CTNNA3: variants seen among roughly 807,000 people sequenced by gnomAD.
CTNNA3 encodes the protein catenin alpha-3.
Under a neutral mutation model 95.7 loss-of-function variants are expected in CTNNA3, and 76 were observed. The ratio of observed to expected loss-of-function variants is 0.79; its 90% CI spans 0.66 to 0.96. CTNNA3 has a LOEUF of 0.96. CTNNA3 is among the 40% of genes least tolerant of loss of function. The pLI is 0.00. For synonymous variants in CTNNA3, 431 were observed against 374.4 expected (o/e 1.15, Z -1.74); for missense variants, 1,191 against 1,089.8 (o/e 1.09, Z -1.31).
In CTNNA3 at chr10:65,955,700, G is replaced by T. The variant is rs565853925; in HGVS notation, c.2400+10912C>A. ...TGTGATGGATTACGTTTATTGATTT[G>T]CATATGTTGAACCAGCGTTTCATCC... is the stretch of plus-strand genomic sequence containing the variant. On this transcript the variant is annotated intron_variant, in intron 17 of 17. Transcript: ENST00000433211. Among the ~76,000 whole-genome samples the T allele has an allele frequency of 3.9e-5, 6 of 152,222 alleles. No homozygotes were observed. In the East Asian group the frequency reaches 9.7e-4, roughly 25 times the overall value.
chr10:66,632,727 A>G (rs575722774), intron 9 of CTNNA3, among the ~76,000 whole-genome samples: 59 of 152,154 alleles, frequency 3.9e-4, no homozygotes, highest in African/African-American at 1.3e-3. Context: ...AGAATATATT[A>G]CTACATAAAA....
intron 2 of CTNNA3, among the ~76,000 whole-genome samples, chr10:67,624,369 G>T (rs985887241): frequency 1.3e-5 from 2 of 152,066 alleles, no homozygotes; most frequent in African/African-American, 4.8e-5. Flanking sequence ...TTTGTCCCAG[G>T]CCACTGTATG....
chr10:66,664,696 C>A (rs962218024), intron 9 of CTNNA3, among the ~76,000 whole-genome samples: 6 of 138,678 alleles, frequency 4.3e-5, no homozygotes, highest in African/African-American at 1.7e-4. Context: ...GCATTCAGCC[C>A]AGAAGCTGAT....
At chr10:66,909,249 T>C (rs1041618374) in intron 7 of CTNNA3, among the ~76,000 whole-genome samples, 1 of 152,086 alleles carries the variant, frequency 6.6e-6, no homozygotes, top group African/African-American at 2.4e-5. Flanking sequence ...GCGCGGTGGC[T>C]CATTCCTGTA....
At chr10:67,316,026 T>C (rs1841036549) in intron 5 of CTNNA3, among the ~76,000 whole-genome samples, 1 of 152,202 alleles carries the variant, frequency 6.6e-6, no homozygotes, top group Admixed American at 6.5e-5. Flanking sequence ...ACTGAGTTTA[T>C]TCTTTTTGAA....
chr10:67,302,729 G>A (rs543719881), intron 5 of CTNNA3, among the ~76,000 whole-genome samples: 67 of 152,062 alleles, frequency 4.4e-4, no homozygotes, highest in Middle Eastern at 3.4e-3. Context: ...ATTTTCTTCC[G>A]CTGTACACTT....
At position 67,537,549 on chromosome 10, in the gene CTNNA3, C is replaced by A. The variant is rs550904560; in HGVS notation, c.459+1954G>T. ...GGTATGATGTATGTGAATTACCTAC[C>A]TCTGTGCCTAACTCCTAGTGGACAC... On this transcript the variant is annotated intron_variant, in intron 4 of 17. Transcript: ENST00000433211. Among the ~76,000 whole-genome samples the A allele has an allele frequency of 4.3e-4, 66 of 152,234 alleles. 1 individual carries two copies. In the South Asian group the frequency reaches 0.014, roughly 32 times the overall value.
chr10:67,301,621 A>G (rs1053294989), intron 5 of CTNNA3, among the ~76,000 whole-genome samples: 9 of 143,258 alleles, frequency 6.3e-5, no homozygotes, highest in Non-Finnish European at 1.2e-4. Context: ...CAACAGATAA[A>G]TGAAGAAAAA....
chr10:66,203,908 C>T (rs2087594340), intron 13 of CTNNA3, among the ~76,000 whole-genome samples: 1 of 151,984 alleles, frequency 6.6e-6, no homozygotes, highest in Non-Finnish European at 1.5e-5. Flanking sequence ...TACACACCCC[C>T]ATGAAGAATA....
chr10:67,233,100 A>C (rs1438821386), intron 5 of CTNNA3, among the ~76,000 whole-genome samples: 3 of 152,228 alleles, frequency 2.0e-5, no homozygotes, highest in Non-Finnish European at 4.4e-5. Flanking sequence ...TAGACAGATC[A>C]ATGAGACAGA....
At chr10:67,249,890 A>G (rs888292535) in intron 5 of CTNNA3, among the ~76,000 whole-genome samples, 1 of 152,154 alleles carries the variant, frequency 6.6e-6, no homozygotes, top group African/African-American at 2.4e-5. Context: ...GACCCAGAAA[A>G]AACCCACACA....
At chr10:65,954,070 T>A (rs533427737) in intron 17 of CTNNA3, among the ~76,000 whole-genome samples, 6 of 152,230 alleles carry the variant, frequency 3.9e-5, no homozygotes, top group Non-Finnish European at 8.8e-5. Flanking sequence ...TTTTTAATGA[T>A]CGCCATTCTA....
At chr10:66,956,684 G>A (rs1197281938) in intron 7 of CTNNA3, among the ~76,000 whole-genome samples, 1 of 152,168 alleles carries the variant, frequency 6.6e-6, no homozygotes, top group East Asian at 1.9e-4. Flanking sequence ...TTTTCCTGCA[G>A]AGTAAATCTC....
At chr10:66,840,101 C>G (rs1028325723) in intron 7 of CTNNA3, among the ~76,000 whole-genome samples, 3 of 152,100 alleles carry the variant, frequency 2.0e-5, no homozygotes, top group African/African-American at 7.2e-5. Context: ...AGGAGAATTA[C>G]TTAAAACACA....
intron 12 of CTNNA3, among the ~76,000 whole-genome samples, chr10:66,321,984 A>G (rs1478708446): frequency 1.3e-5 from 2 of 152,106 alleles, no homozygotes; most frequent in Admixed American, 1.3e-4. Flanking sequence ...TGTGCATGGC[A>G]CCCTGGAACA....
intron 2 of CTNNA3, among the ~76,000 whole-genome samples, chr10:67,625,088 G>C (rs1843988359): frequency 6.6e-6 from 1 of 152,150 alleles, no homozygotes. Flanking sequence ...GCCACGTCTG[G>C]TGGCCAGCCT....
At chr10:67,326,324 T>C (rs548269584) in intron 5 of CTNNA3, among the ~76,000 whole-genome samples, 11 of 152,230 alleles carry the variant, frequency 7.2e-5, no homozygotes, top group Non-Finnish European at 1.3e-4. Flanking sequence ...ATAGTGTCAC[T>C]TGTCTGTGTA....
At chr10:66,080,152 T>C (rs1444396914) in intron 14 of CTNNA3, among the ~76,000 whole-genome samples, 2 of 152,144 alleles carry the variant, frequency 1.3e-5, no homozygotes, top group Non-Finnish European at 2.9e-5. Context: ...TCAAGTTTAC[T>C]CAAGAACTTC....
At chr10:66,161,262 G>A (rs1449940285) in intron 13 of CTNNA3, among the ~76,000 whole-genome samples, 1 of 152,008 alleles carries the variant, frequency 6.6e-6, no homozygotes, top group Non-Finnish European at 1.5e-5. Flanking sequence ...TTTTGCTTTT[G>A]TTATTTACTT....
Sources: gnomAD v4.1 joint callset for allele counts (sites outside exome capture counted in the v4.1 genomes callset) on GRCh38, gnomAD v4.1.1 for gene constraint, MANE v1.5 for transcripts, NCBI Gene and HGNC (gene_info 2026-07-23, HGNC 2026-07-21) for gene names.